Variants in MTCL1 observed in about 807,000 individuals in gnomAD.
MTCL1 encodes the protein microtubule cross-linking factor 1.
MTCL1 carries 79 observed loss-of-function variants against 141.4 expected under a neutral mutation model. The observed-to-expected ratio is 0.56, with a 90% CI of 0.47 to 0.67. The LOEUF is 0.67. Ranked by LOEUF, MTCL1 falls within the 30% of genes least tolerant of loss-of-function variation. The pLI is 0.00. For synonymous variants in MTCL1, 914 were observed against 875.8 expected (o/e 1.04, Z -0.77); for missense variants, 2,177 against 2,113.9 (o/e 1.03, Z -0.59).
chr18:8,762,338 A>G (rs1227038768), intron 4 of MTCL1, among the ~76,000 whole-genome samples: 1 of 152,242 alleles, frequency 6.6e-6, no homozygotes, highest in African/African-American at 2.4e-5. Flanking sequence ...AATGTGCACA[A>G]TACAGAACTC....
chr18:8,813,065 C>G (rs115919432), exon 12 of MTCL1: 9 of 1,614,204 alleles, frequency 5.6e-6, no homozygotes, highest in Middle Eastern at 3.3e-4. Context: ...GAGAGGTGCA[C>G]CAGAAGCTCC....
At chr18:8,786,477 T>G in intron 7 of MTCL1, 1 of 402,778 alleles carries the variant, frequency 2.5e-6, no homozygotes, top group Non-Finnish European at 4.9e-6. Context: ...TCCTTAGAGT[T>G]CCCCTTTTCA....
intron 4 of MTCL1, among the ~76,000 whole-genome samples, chr18:8,735,911 AT>A (rs1202665897): frequency 6.6e-6 from 1 of 152,134 alleles, no homozygotes; most frequent in Non-Finnish European, 1.5e-5. Flanking sequence ...CTTTATATAT[AT>A]TTTTTTTAAC....
intron 4 of MTCL1, among the ~76,000 whole-genome samples, chr18:8,739,983 G>A (rs1449397805): frequency 1.3e-5 from 2 of 152,190 alleles, no homozygotes; most frequent in South Asian, 2.1e-4. Flanking sequence ...TGCCCGCCTT[G>A]GCCTCCCAAA....
Position 8,798,307 on chromosome 18 carries a change from C to T in MTCL1, c.2436+16C>T, listed in dbSNP as rs751603369. ...CCACAAACAGGTGGGTACCTCGACC[C>T]GAGCCTGTCGCCCTGCCCACACCAG... On this transcript the variant is annotated intron_variant, in intron 10 of 16. Coordinates refer to ENST00000359865, the Ensembl canonical transcript of MTCL1. The T allele has an allele frequency of 5.4e-6, 8 of 1,491,254 alleles. No individual in the cohort carries two copies. In the South Asian group the frequency reaches 6.9e-5, roughly 13 times the overall value. The allele number at this position is 1,491,254 out of a possible 1,614,324, so 92.4% of individuals were successfully genotyped here. A position where few individuals can be genotyped will look rare whatever the true frequency, so the allele number is the denominator to read the frequency against.
At chr18:8,800,929 G>T (rs1466309347) in intron 10 of MTCL1, among the ~76,000 whole-genome samples, 1 of 127,366 alleles carries the variant, frequency 7.9e-6, no homozygotes, top group Non-Finnish European at 1.7e-5. Context: ...AAAAAAAAGT[G>T]TGAAGAACTT....
chr18:8,756,427 GTATATATGTA>G (rs1284945589), intron 4 of MTCL1, among the ~76,000 whole-genome samples: 34 of 143,740 alleles, frequency 2.4e-4, no homozygotes, highest in African/African-American at 7.1e-4. Flanking sequence ...GTATATATGT[GTATATATGTA>G]TATATGTGTA....
At chr18:8,750,327 T>C (rs957253379) in intron 4 of MTCL1, among the ~76,000 whole-genome samples, 1 of 152,228 alleles carries the variant, frequency 6.6e-6, no homozygotes, top group African/African-American at 2.4e-5. Context: ...ATTACAGACG[T>C]GAGTCTCTGT....
intron 4 of MTCL1, among the ~76,000 whole-genome samples, chr18:8,757,563 A>G (rs2096408341): frequency 6.6e-6 from 1 of 152,234 alleles, no homozygotes; most frequent in African/African-American, 2.4e-5. Context: ...ATCTGCTGTC[A>G]CTGACAATCA....
chr18:8,757,355 C>T (rs1472763025), intron 4 of MTCL1, among the ~76,000 whole-genome samples: 2 of 152,122 alleles, frequency 1.3e-5, no homozygotes, highest in Non-Finnish European at 2.9e-5. Flanking sequence ...CTGAGGTTGC[C>T]AGATCAGGAG....
At chr18:8,816,010 A>G (rs2076644279) in intron 12 of MTCL1, among the ~76,000 whole-genome samples, 2 of 152,218 alleles carry the variant, frequency 1.3e-5, no homozygotes, top group South Asian at 4.1e-4. Context: ...TCCCCAAAAT[A>G]TTAAACATTT....
chr18:8,814,170 G>A (rs1243895155), intron 12 of MTCL1, among the ~76,000 whole-genome samples: 1 of 152,134 alleles, frequency 6.6e-6, no homozygotes, highest in African/African-American at 2.4e-5. Flanking sequence ...CAGGTACAAT[G>A]ACAAAGGTGA....
intron 4 of MTCL1, among the ~76,000 whole-genome samples, chr18:8,737,593 C>T (rs1022089638): frequency 2.0e-5 from 3 of 152,162 alleles, no homozygotes; most frequent in African/African-American, 4.8e-5. Context: ...GTGACCAACG[C>T]GAGGGCAGCC....
intron 4 of MTCL1, among the ~76,000 whole-genome samples, chr18:8,772,573 A>G (rs1186670475): frequency 6.6e-6 from 1 of 151,186 alleles, no homozygotes; most frequent in Non-Finnish European, 1.5e-5. Flanking sequence ...CTTTCCTTAT[A>G]TGTATATATG....
At chr18:8,740,027 A>T (rs893445849) in intron 4 of MTCL1, among the ~76,000 whole-genome samples, 4 of 152,306 alleles carry the variant, frequency 2.6e-5, no homozygotes, top group East Asian at 1.9e-4. Context: ...CACCGCGCCC[A>T]GCCAAGGAGA....
chr18:8,824,722 C>G, exon 15 of MTCL1: 1 of 1,613,238 alleles, frequency 6.2e-7, no homozygotes, highest in Non-Finnish European at 8.5e-7. Context: ...TCCTCCATGT[C>G]TGAGTTCCAG....
At chr18:8,708,149 A>C (rs2096067972) in intron 1 of MTCL1, among the ~76,000 whole-genome samples, 1 of 152,232 alleles carries the variant, frequency 6.6e-6, no homozygotes, top group African/African-American at 2.4e-5. Context: ...AAGCTCCCTG[A>C]GGGTGACCAA....
At position 8,828,773 on chromosome 18, in the gene MTCL1, G is replaced by A; in HGVS notation, c.4723-135G>A. 2.1e-6 allele frequency: 3 copies of A among 1,438,970 alleles called. No individual in the cohort carries two copies. Among genetic ancestry groups the A allele is most frequent in the Non-Finnish European group, 2.8e-6 (3 of 1,069,522 alleles). The allele number at this position is 1,438,970 out of a possible 1,614,324, so 89.1% of individuals were successfully genotyped here. On this transcript the variant is annotated intron_variant, in intron 15 of 16. Coordinates refer to ENST00000359865, the Ensembl canonical transcript of MTCL1. The surrounding 1 kb of genome is among the most constrained non-coding windows in gnomAD (Gnocchi z 5.2). ...ATCTGAGAGCCCGCAAGTCTCTCCT[G>A]GTGGCTACCCCTGAGCGAGAGGGAT...
At chr18:8,750,817 A>G (rs1266228510) in intron 4 of MTCL1, among the ~76,000 whole-genome samples, 1 of 152,218 alleles carries the variant, frequency 6.6e-6, no homozygotes, top group African/African-American at 2.4e-5. Context: ...TTTTCATTAC[A>G]GGGAAATGAC....
Sources: allele counts gnomAD v4.1 joint callset (sites outside exome capture counted in the v4.1 genomes callset), GRCh38; gene constraint gnomAD v4.1.1; non-coding constraint Gnocchi (gnomAD v3.1); transcripts MANE v1.5; gene names NCBI Gene and HGNC (gene_info 2026-07-23, HGNC 2026-07-21).